XAF1: variants seen among roughly 807,000 people sequenced by gnomAD.
XAF1 encodes the protein XIAP-associated factor 1.
Under a neutral mutation model 32.3 loss-of-function variants are expected in XAF1, and 32 were observed. The ratio of observed to expected loss-of-function variants is 0.99; its 90% CI spans 0.75 to 1.33. The LOEUF (loss-of-function observed/expected upper bound fraction) is 1.33, where lower values mean the gene tolerates loss of function less well. XAF1 is among the 40% of genes most tolerant of loss of function. The pLI is 0.00. For missense variants in XAF1, 379 were observed against 366.0 expected, an observed-to-expected ratio of 1.04 and a Z score of -0.29; for synonymous variants, 120 against 125.9, an observed-to-expected ratio of 0.95 and a Z score of 0.31.
chr17:6,767,297 G>T (rs543594647), intron 5 of XAF1, among the ~76,000 whole-genome samples: 4 of 152,266 alleles, frequency 2.6e-5, no homozygotes, highest in African/African-American at 9.6e-5. Context: ...AGATACAACA[G>T]TTGTTGTTCT....
chr17:6,765,198 G>A lies in XAF1; in HGVS notation c.507+2958G>A, dbSNP rs563742307. 9.9e-5 allele frequency among the ~76,000 whole-genome samples: 15 copies of A among 152,270 alleles called. No homozygotes were observed. In the East Asian group the frequency reaches 2.5e-3, roughly 25 times the overall value. ...GGAGGCCGAGGTGGGAGGATCACAA[G>A]GTCAGGAGATCGAGACCAACCTGGC... On this transcript the variant is annotated intron_variant, in intron 5 of 6. Coordinates refer to ENST00000361842, the MANE Select transcript of XAF1 (RefSeq NM_017523.5).
Position 6,756,079 on chromosome 17 carries a change from ATGGAAGGAGACTTCTCGGTG to A in XAF1, c.4_23del (p.Glu2_?8), listed in dbSNP as rs1974627456. The A allele has an allele frequency of 6.2e-7, 1 of 1,613,848 alleles. No individual in the cohort carries two copies. The highest frequency in any genetic ancestry group is 1.1e-5 in the South Asian group (1 of 91,048). On this transcript the variant is annotated frameshift_variant and start_lost, in exon 1 of 7. Coordinates refer to ENST00000361842, the MANE Select transcript of XAF1 (RefSeq NM_017523.5). LOFTEE classifies it high-confidence loss of function. ...ACCGAAAGCCTGCAGAGAGCAGAAC[ATGGAAGGAGACTTCTCGGTG>A]TGCAGGAACTGGTAAGAAAGTGCTT...
rs771720776 is a variant in XAF1, at chr17:6,760,522, C to T, written c.342C>T (p.Gly114=). 2.5e-6 allele frequency: 4 copies of T among 1,613,710 alleles called. No homozygotes were observed. Among genetic ancestry groups the T allele is most frequent in the African/African-American group, 1.3e-5 (1 of 75,018 alleles). ...GCAGCCGGACAGAGCTCTGCCAAGGCTGTGGCCAGTTCATCATGCACCGCA... is the reference window on the plus strand; with the variant it reads ...GCAGCCGGACAGAGCTCTGCCAAGGTTGTGGCCAGTTCATCATGCACCGCA... ...YCGSRTELCQ[G]CGQFIMHRML... Residue 114 remains glycine, a synonymous_variant, in exon 4 of 7, where the codon GGC becomes GGT. Transcript: ENST00000361842.
intron 5 of XAF1, among the ~76,000 whole-genome samples, chr17:6,768,113 TTTTC>T (rs755232266): frequency 1.8e-4 from 27 of 151,886 alleles, no homozygotes; most frequent in East Asian, 3.9e-4. Flanking sequence ...TTTTTGCTTT[TTTTC>T]TTTCTTTCTT....
At chr17:6,755,850 G>A, upstream of XAF1, 3 of 1,368,308 alleles carry the variant, frequency 2.2e-6, no homozygotes, top group South Asian at 3.1e-5. Context: ...AGATGCGGCT[G>A]TGACAGCAGC....
intron 5 of XAF1, among the ~76,000 whole-genome samples, chr17:6,763,309 T>C (rs1251947382): frequency 6.6e-6 from 1 of 152,170 alleles, no homozygotes; most frequent in Non-Finnish European, 1.5e-5. Flanking sequence ...CAGCATTTCA[T>C]TCCTTTTAAT....
intron 5 of XAF1, among the ~76,000 whole-genome samples, chr17:6,768,129 C>CTTT (rs113141167): frequency 3.4e-5 from 5 of 144,968 alleles, no homozygotes; most frequent in African/African-American, 1.3e-4. Context: ...TTCTTTCTTT[C>CTTT]TTTTTTTTTT....
intron 2 of XAF1, 175 bp downstream of exon 2, chr17:6,758,399 T>C: frequency 1.0e-6 from 1 of 977,932 alleles, no homozygotes; most frequent in Non-Finnish European, 1.5e-6. Flanking sequence ...AGATGGGGTC[T>C]GAGAGTCAAG....
chr17:6,762,553 G>C (rs1250684683), intron 5 of XAF1, among the ~76,000 whole-genome samples: 1 of 152,168 alleles, frequency 6.6e-6, no homozygotes, highest in African/African-American at 2.4e-5. Flanking sequence ...AGTAGGGCCT[G>C]TCTTACTGTT....
intron 5 of XAF1, among the ~76,000 whole-genome samples, 160 bp downstream of exon 5, chr17:6,762,400 T>G (rs1975290691): frequency 6.6e-6 from 1 of 152,192 alleles, no homozygotes; most frequent in Non-Finnish European, 1.5e-5. Context: ...GTTTAGTGAC[T>G]TGCTTAGGCT....
intron 5 of XAF1, among the ~76,000 whole-genome samples, chr17:6,764,585 GA>G (rs924892040): frequency 1.4e-4 from 22 of 151,948 alleles, no homozygotes; most frequent in Non-Finnish European, 2.1e-4. Flanking sequence ...TTTTAATTTT[GA>G]AAATTAAGGA....
Position 6,758,225 on chromosome 17 carries a change from G to A in XAF1, c.168+1G>A. On this transcript the variant is annotated splice_donor_variant, in intron 2 of 6. Transcript: ENST00000361842. LOFTEE classifies it high-confidence loss of function. The stretch of plus-strand genomic sequence containing the variant: ...GCACTGCAAGCTTGAGCACCAGCAG[G>A]TGAGGAGGCGGCAGGGAGGATGGGG... The A allele has an allele frequency of 6.2e-7, 1 of 1,614,142 alleles. No individual in the cohort carries two copies. The highest frequency in any genetic ancestry group is 8.5e-7 in the Non-Finnish European group (1 of 1,180,014).
intron 1 of XAF1, 144 bp from the exon 2 acceptor site, chr17:6,757,945 G>T: frequency 9.2e-7 from 1 of 1,088,782 alleles, no homozygotes; most frequent in South Asian, 1.4e-5. Flanking sequence ...CCCACACAGG[G>T]AGTGTGGGGC....
intron 5 of XAF1, among the ~76,000 whole-genome samples, chr17:6,763,848 C>A (rs757705414): frequency 6.6e-6 from 1 of 152,212 alleles, no homozygotes; most frequent in African/African-American, 2.4e-5. Context: ...CCACGGGATT[C>A]TCAGCCTTGG....
chr17:6,772,942 G>A (rs976088573), intron 6 of XAF1, 171 bp from the exon 7 acceptor site: 3 of 548,318 alleles, frequency 5.5e-6, no homozygotes, highest in Non-Finnish European at 9.4e-6. Flanking sequence ...TTTGTCGCAA[G>A]CCTCCTATAC....
At position 6,774,038 on chromosome 17, in the gene XAF1, A is replaced by G. The variant is rs1567666449; in HGVS notation, c.*869A>G. Reference sequence around the variant, plus strand: ...CCAATAACATTCTTCACAGAATCAGAAAAAAAAAGCATTAAAATTTATTTG... The same window carrying G: ...CCAATAACATTCTTCACAGAATCAGGAAAAAAAAGCATTAAAATTTATTTG... On this transcript the variant is annotated 3_prime_UTR_variant, in exon 7 of 7. Coordinates refer to ENST00000361842, the MANE Select transcript of XAF1 (RefSeq NM_017523.5). 1 of 151,350 alleles carries G rather than the reference A, an allele frequency of 6.6e-6. No homozygotes were observed. Among genetic ancestry groups the G allele is most frequent in the Non-Finnish European group, 1.5e-5 (1 of 67,852 alleles). The allele number at this position is 151,350 out of a possible 1,614,324, so 9.4% of individuals were successfully genotyped here.
intron 4 of XAF1, among the ~76,000 whole-genome samples, chr17:6,761,391 T>C (rs1255889553): frequency 6.6e-6 from 1 of 152,198 alleles, no homozygotes; most frequent in Non-Finnish European, 1.5e-5. Flanking sequence ...GAGTTAGCAA[T>C]GGCTCCTGGC....
chr17:6,766,776 G>C (rs1975652096), intron 5 of XAF1, among the ~76,000 whole-genome samples: 1 of 152,094 alleles, frequency 6.6e-6, no homozygotes, highest in South Asian at 2.1e-4. Flanking sequence ...TTCTCTACCA[G>C]ATCTGAAAAT....
intron 6 of XAF1, among the ~76,000 whole-genome samples, chr17:6,772,679 A>G (rs1319814093): frequency 6.6e-6 from 1 of 152,034 alleles, no homozygotes; most frequent in African/African-American, 2.4e-5. Flanking sequence ...CATGTTGTCC[A>G]TGCTGGTCTT....
Sources: gnomAD v4.1 joint callset for allele counts (sites outside exome capture counted in the v4.1 genomes callset) on GRCh38, gnomAD v4.1.1 for gene constraint, MANE v1.5 for transcripts, NCBI Gene and HGNC (gene_info 2026-07-23, HGNC 2026-07-21) for gene names.